IPPK: variants seen among roughly 807,000 people sequenced by gnomAD.
The protein encoded by IPPK is inositol-pentakisphosphate 2-kinase, also known as IPK1 homolog.
Under a neutral mutation model 64.6 loss-of-function variants are expected in IPPK, and 22 were observed. The observed-to-expected ratio is 0.34, with a 90% confidence interval of 0.24 to 0.49. The LOEUF is 0.49. Among genes scored for constraint, IPPK ranks in the 20% least tolerant of loss-of-function variants. IPPK has a pLI of 0.99. For synonymous variants in IPPK, 262 were observed against 247.2 expected (o/e 1.06, Z -0.56); for missense variants, 532 against 630.7 (o/e 0.84, Z 1.68).
intron 11 of IPPK, among the ~76,000 whole-genome samples, chr9:92,621,937 G>A (rs544819389): frequency 6.6e-6 from 1 of 152,254 alleles, no homozygotes; most frequent in African/African-American, 2.4e-5. Flanking sequence ...AAAAGAGAAA[G>A]CACAGTTCTT....
intron 11 of IPPK, chr9:92,619,882 G>A (rs936941392): frequency 2.7e-6 from 1 of 376,288 alleles, no homozygotes; most frequent in Non-Finnish European, 5.0e-6. Flanking sequence ...GTCGGCCTTT[G>A]GAAGGAAAAG....
chr9:92,641,017 T>C (rs1190204382), intron 7 of IPPK, among the ~76,000 whole-genome samples: 1 of 152,144 alleles, frequency 6.6e-6, no homozygotes, highest in African/African-American at 2.4e-5. Context: ...TCACCAGAGA[T>C]GTGGGGGTTG....
chr9:92,646,883 C>T (rs371863246), intron 6 of IPPK, among the ~76,000 whole-genome samples: 4 of 151,652 alleles, frequency 2.6e-5, no homozygotes, highest in South Asian at 2.1e-4. Context: ...AACGAGACTC[C>T]GTCTCAAAAA....
At position 92,668,224 on chromosome 9, in the gene IPPK, C is replaced by T. The variant is rs561094671; in HGVS notation, c.81+1684G>A. Among the ~76,000 whole-genome samples, 10 of 152,218 alleles carry T rather than the reference C, an allele frequency of 6.6e-5. No homozygotes were observed. The South Asian group carries it at 1.2e-3, about 19-fold the overall frequency. On this transcript the variant is annotated intron_variant, in intron 1 of 12. Coordinates refer to ENST00000287996, the MANE Select transcript of IPPK (RefSeq NM_022755.6). ...CGGAGGTTGCAGTGAGCCGAGATCG[C>T]GCCACTGCACTCCAGCCTGGGCAAC...
At chr9:92,616,350 CGA>C (rs1273177389) in intron 12 of IPPK, 2 of 315,378 alleles carry the variant, frequency 6.3e-6, no homozygotes, top group Non-Finnish European at 1.2e-5. Flanking sequence ...CCATACCAGG[CGA>C]GAGAGGGTTA....
chr9:92,660,772 G>C (rs778174641), intron 1 of IPPK, among the ~76,000 whole-genome samples: 4 of 152,096 alleles, frequency 2.6e-5, no homozygotes, highest in Non-Finnish European at 5.9e-5. Context: ...GGGAACAACT[G>C]GTCTTTTCTG....
At chr9:92,659,806 C>T (rs967343363) in intron 1 of IPPK, among the ~76,000 whole-genome samples, 3 of 152,128 alleles carry the variant, frequency 2.0e-5, no homozygotes, top group Non-Finnish European at 1.5e-5. Context: ...AGACAATGTA[C>T]GTCGTTGCTC....
At chr9:92,618,547 G>T (rs1316472032) in intron 12 of IPPK, 2 of 456,552 alleles carry the variant, frequency 4.4e-6, no homozygotes, top group Non-Finnish European at 8.8e-6. Context: ...GCTGAACAGT[G>T]GTATCTTCGT....
Position 92,614,026 on chromosome 9 carries a change from G to A in IPPK, c.*1806C>T, listed in dbSNP as rs906698156. On this transcript the variant is annotated 3_prime_UTR_variant, in exon 13 of 13. Transcript: ENST00000287996. ...GGGGCTCCTCACAGCCCGGGCTGGT[G>A]GGAGCCAAGACCAGACAGAGTGGGG... The A allele has an allele frequency of 6.6e-6, 1 of 152,266 alleles. No individual in the cohort carries two copies. The highest frequency in any genetic ancestry group is 2.4e-5 in the African/African-American group (1 of 41,448). The allele number at this position is 152,266 out of a possible 1,614,324, so 9.4% of individuals were successfully genotyped here. A position where few individuals can be genotyped will look rare whatever the true frequency, so the allele number is the denominator to read the frequency against.
chr9:92,647,156 G>A lies in IPPK; in HGVS notation c.504+903C>T, dbSNP rs373615012. Among the ~76,000 whole-genome samples the A allele has an allele frequency of 3.2e-4, 49 of 152,234 alleles. No individual in the cohort carries two copies. In the South Asian group the frequency reaches 8.7e-3, roughly 27 times the overall value. On this transcript the variant is annotated intron_variant, in intron 6 of 12. Transcript: ENST00000287996. ...AGGGGACACTACTACTGACCTGTAT[G>A]CCATCACATTAGATGAAAATGGACA...
At chr9:92,630,995 T>C (rs1190105133) in intron 11 of IPPK, among the ~76,000 whole-genome samples, 1 of 152,142 alleles carries the variant, frequency 6.6e-6, no homozygotes, top group African/African-American at 2.4e-5. Flanking sequence ...GCCCCACTCA[T>C]GTTTTCTCCA....
chr9:92,652,533 T>C, intron 4 of IPPK, 40 bp downstream of exon 4: 1 of 1,121,806 alleles, frequency 8.9e-7, no homozygotes, highest in Non-Finnish European at 1.3e-6. Flanking sequence ...AATGGAATAT[T>C]TTAAATTACA....
chr9:92,642,959 C>G, intron 6 of IPPK, 149 bp from the exon 7 acceptor site: 1 of 690,044 alleles, frequency 1.4e-6, no homozygotes, highest in Non-Finnish European at 2.6e-6. Context: ...TTTGCAGGTG[C>G]ACATCACTAA....
At chr9:92,661,349 G>T (rs1006038965) in intron 1 of IPPK, among the ~76,000 whole-genome samples, 4 of 152,224 alleles carry the variant, frequency 2.6e-5, no homozygotes, top group Non-Finnish European at 5.9e-5. Flanking sequence ...CCTGGACCCT[G>T]GGAGGTTCTC....
chr9:92,615,947 A>G lies in IPPK; in HGVS notation c.1361T>C (p.Leu454Pro). 2 of 1,614,186 alleles carry G rather than the reference A, an allele frequency of 1.2e-6. No individual in the cohort carries two copies. Among genetic ancestry groups the G allele is most frequent in the Non-Finnish European group, 8.5e-7 (1 of 1,180,010 alleles). ...PYESIPHQYK[L>P]DGKIVNYYSK... is the part of the protein sequence containing the mutation. ...ATAATAGTTGACGATCTTGCCGTCCAGTTTATACTGATGGGGAATGCTCTC... is the reference window on the plus strand; with the variant it reads ...ATAATAGTTGACGATCTTGCCGTCCGGTTTATACTGATGGGGAATGCTCTC... The change falls in exon 13 of 13, where the codon CTG becomes CCG. Residue 454 changes from leucine (L) to proline (P), a missense_variant. By Grantham distance (98) the Leu-to-Pro change is moderately conservative (BLOSUM62 -3). Transcript: ENST00000287996.
chr9:92,655,429 G>A (rs1334640711), intron 3 of IPPK, among the ~76,000 whole-genome samples: 1 of 152,156 alleles, frequency 6.6e-6, no homozygotes, highest in African/African-American at 2.4e-5. Context: ...GCTCACAGGC[G>A]GCCTTGTGGG....
chr9:92,631,260 A>G (rs1029483507), intron 11 of IPPK, among the ~76,000 whole-genome samples: 1 of 149,564 alleles, frequency 6.7e-6, no homozygotes, highest in African/African-American at 2.5e-5. Context: ...CAGTGGTGCA[A>G]TCTTGGCTCA....
chr9:92,638,693 A>G (rs1458234418), intron 8 of IPPK, among the ~76,000 whole-genome samples: 1 of 152,258 alleles, frequency 6.6e-6, no homozygotes, highest in Non-Finnish European at 1.5e-5. Context: ...GATGGCAGTC[A>G]GCACCAGCAC....
Position 92,615,657 on chromosome 9 carries a change from C to G in IPPK, c.*175G>C. On this transcript the variant is annotated 3_prime_UTR_variant, in exon 13 of 13. Coordinates refer to ENST00000287996, the MANE Select transcript of IPPK (RefSeq NM_022755.6). ...AGCACTCACTTCCTACATTCCTTGT[C>G]CAGGAAGTTGTTTCTAGTGCTCTTC... The G allele has an allele frequency of 1.7e-6, 1 of 584,680 alleles. No homozygotes were observed. Among genetic ancestry groups the G allele is most frequent in the South Asian group, 2.0e-5 (1 of 50,004 alleles). 36.2% of individuals were successfully genotyped at this position (584,680 alleles called of 1,614,324 possible).
Sources: gnomAD v4.1 joint callset for allele counts (sites outside exome capture counted in the v4.1 genomes callset) on GRCh38, gnomAD v4.1.1 for gene constraint, MANE v1.5 for transcripts, NCBI Gene and HGNC (gene_info 2026-07-23, HGNC 2026-07-21) for gene names.